The following ITSN1 variants were observed in gnomAD, a reference collection of about 807,000 sequenced individuals.
ITSN1 encodes intersectin 1, also known as intersectin-1.
In ITSN1, 58 loss-of-function variants were observed where a neutral mutation model predicts 239.8. That is an observed-to-expected ratio of 0.24 (90% CI 0.20 to 0.30). The LOEUF is 0.30. Ranked by LOEUF, ITSN1 falls within the 10% of genes least tolerant of loss-of-function variation. The pLI, the probability that ITSN1 is intolerant of heterozygous loss-of-function variation, is 1.00. For missense variants in ITSN1, 1,558 were observed against 2,103.3 expected (o/e 0.74, Z 5.07); for synonymous variants, 780 against 770.8 (o/e 1.01, Z -0.20).
chr21:33,741,347 G>A (rs772652973), intron 5 of ITSN1, among the ~76,000 whole-genome samples: 1 of 152,130 alleles, frequency 6.6e-6, no homozygotes, highest in African/African-American at 2.4e-5. Flanking sequence ...TAAAAATATA[G>A]TTATCAAATA....
chr21:33,777,069 A>G (rs1426434700), intron 14 of ITSN1, among the ~76,000 whole-genome samples: 3 of 152,164 alleles, frequency 2.0e-5, no homozygotes, highest in African/African-American at 7.2e-5. Context: ...TTATAAATTG[A>G]AAAAAACTTA....
At chr21:33,834,606 T>A (rs1407787323) in intron 28 of ITSN1, among the ~76,000 whole-genome samples, 182 bp downstream of exon 28, 1 of 152,244 alleles carries the variant, frequency 6.6e-6, no homozygotes, top group Admixed American at 6.5e-5. Context: ...GGACCAGATA[T>A]CTAAGTGGCT....
chr21:33,724,568 C>T (rs1373852342), intron 4 of ITSN1, among the ~76,000 whole-genome samples: 1 of 152,180 alleles, frequency 6.6e-6, no homozygotes, highest in African/African-American at 2.4e-5. Flanking sequence ...CTGGATTATG[C>T]TTTTGTGTTA....
chr21:33,666,314 G>A (rs928869313), intron 1 of ITSN1, among the ~76,000 whole-genome samples: 5 of 152,156 alleles, frequency 3.3e-5, no homozygotes, highest in South Asian at 2.1e-4. Flanking sequence ...GCAGAGCATA[G>A]GATTTCTATT....
Position 33,675,291 on chromosome 21 carries a change from C to T in ITSN1, c.-33+32578C>T, listed in dbSNP as rs139755012. On this transcript the variant is annotated intron_variant, in intron 1 of 39. Transcript: ENST00000381318. ...TAAAAATCTTGATATGGGCCGGGCA[C>T]GGTGGCTCAAGCCTGTAATCCCAGC... Among the ~76,000 whole-genome samples, 29 of 152,150 alleles carry T rather than the reference C, an allele frequency of 1.9e-4. No homozygotes were observed. The East Asian group carries it at 4.3e-3, about 22-fold the overall frequency.
chr21:33,819,135 C>A, intron 23 of ITSN1, 106 bp from the exon 24 acceptor site: 2 of 749,964 alleles, frequency 2.7e-6, no homozygotes, highest in East Asian at 5.2e-5. Flanking sequence ...AGCTGTGGGT[C>A]GTTTAAAGTT....
intron 27 of ITSN1, 108 bp downstream of exon 27, chr21:33,829,853 A>C: frequency 7.5e-7 from 1 of 1,326,878 alleles, no homozygotes; most frequent in Non-Finnish European, 1.0e-6. Flanking sequence ...TCACCACCTA[A>C]ATTCTGTATT....
At chr21:33,746,873 G>A (rs1303111647) in intron 5 of ITSN1, among the ~76,000 whole-genome samples, 1 of 151,918 alleles carries the variant, frequency 6.6e-6, no homozygotes, top group African/African-American at 2.4e-5. Flanking sequence ...AATAACTAAG[G>A]CTGGGAGCGG....
rs549398460 is a variant in ITSN1 at position 33,844,553 on chromosome 21, C to T, written c.3661+7921C>T. On this transcript the variant is annotated intron_variant, in intron 29 of 39. Coordinates refer to ENST00000381318, the MANE Select transcript of ITSN1 (RefSeq NM_003024.3). ...GCAATCATCCAGCTTAGATAAGGGGCGTGGGCTGCTGGGGAATGCTGCCCC... is the reference window on the plus strand; with the variant it reads ...GCAATCATCCAGCTTAGATAAGGGGTGTGGGCTGCTGGGGAATGCTGCCCC... Among the ~76,000 whole-genome samples, 7 of 152,234 alleles carry T rather than the reference C, an allele frequency of 4.6e-5. No homozygotes were observed. In the South Asian group the frequency reaches 6.2e-4, roughly 14 times the overall value.
At chr21:33,671,573 G>A (rs1244279565) in intron 1 of ITSN1, among the ~76,000 whole-genome samples, 1 of 151,954 alleles carries the variant, frequency 6.6e-6, no homozygotes, top group Non-Finnish European at 1.5e-5. Flanking sequence ...GTTTTTTTAA[G>A]TTGGATGATA....
At chr21:33,649,104 C>G (rs2088259087) in intron 1 of ITSN1, among the ~76,000 whole-genome samples, 1 of 152,138 alleles carries the variant, frequency 6.6e-6, no homozygotes. Context: ...CAAGACTGTA[C>G]AGAAGTGTGA....
chr21:33,881,336 G>GGCGGA (rs1442942584), intron 34 of ITSN1, among the ~76,000 whole-genome samples: 4 of 151,520 alleles, frequency 2.6e-5, no homozygotes, highest in Admixed American at 2.0e-4. Context: ...CAACCCGGGA[G>GGCGGA]GCGGAGCTTG....
chr21:33,764,382 A>G (rs2068576015), intron 9 of ITSN1, among the ~76,000 whole-genome samples: 2 of 152,208 alleles, frequency 1.3e-5, no homozygotes, highest in African/African-American at 4.8e-5. Flanking sequence ...GTGAGACACA[A>G]AAAGGAACAG....
At chr21:33,664,485 A>G (rs2089790761) in intron 1 of ITSN1, among the ~76,000 whole-genome samples, 1 of 152,150 alleles carries the variant, frequency 6.6e-6, no homozygotes, top group Non-Finnish European at 1.5e-5. Flanking sequence ...GATCCACCCC[A>G]TGACCTGAAA....
At chr21:33,800,494 T>TTAATTATGTGAAC (rs2071907825) in intron 19 of ITSN1, among the ~76,000 whole-genome samples, 1 of 152,164 alleles carries the variant, frequency 6.6e-6, no homozygotes, top group Admixed American at 6.5e-5. Context: ...CAAAGCATCT[T>TTAATTATGTGAAC]TTTTCCCTTT....
At chr21:33,678,436 C>CTT (rs1215048182) in intron 1 of ITSN1, among the ~76,000 whole-genome samples, 1 of 152,190 alleles carries the variant, frequency 6.6e-6, no homozygotes, top group Non-Finnish European at 1.5e-5. Context: ...AGAGGACACT[C>CTT]TGTTTTGTTC....
At chr21:33,846,955 T>C (rs780547781) in intron 29 of ITSN1, among the ~76,000 whole-genome samples, 1 of 152,204 alleles carries the variant, frequency 6.6e-6, no homozygotes, top group Non-Finnish European at 1.5e-5. Context: ...TATTTATGTA[T>C]GTATTTGGTT....
At chr21:33,789,968 T>C (rs2070978761) in intron 16 of ITSN1, among the ~76,000 whole-genome samples, 1 of 152,234 alleles carries the variant, frequency 6.6e-6, no homozygotes, top group Non-Finnish European at 1.5e-5. Context: ...AAGTGACTTT[T>C]CCCTCTTTGG....
intron 14 of ITSN1, among the ~76,000 whole-genome samples, chr21:33,780,520 G>A (rs1486604550): frequency 6.6e-6 from 1 of 152,080 alleles, no homozygotes; most frequent in Non-Finnish European, 1.5e-5. Context: ...TAGCTATTGA[G>A]TTAACTCTTT....
Sources: allele counts gnomAD v4.1 joint callset (sites outside exome capture counted in the v4.1 genomes callset), GRCh38; gene constraint gnomAD v4.1.1; transcripts MANE v1.5; gene names NCBI Gene and HGNC (gene_info 2026-07-23, HGNC 2026-07-21).